Variants in OPA3 observed in about 807,000 individuals in gnomAD.
OPA3 encodes outer mitochondrial membrane lipid metabolism regulator OPA3, also known as optic atrophy 3 protein.
A neutral mutation model predicts 4.0 loss-of-function variants in OPA3; 6 were observed. That is an observed-to-expected ratio of 1.51 (90% CI 0.83 to 2.99). The LOEUF (loss-of-function observed/expected upper bound fraction) is 2.99. Ranked by LOEUF, OPA3 falls within the 30% of genes most tolerant of loss-of-function variation. The pLI is 0.00. For missense variants in OPA3, 235 were observed against 256.2 expected (o/e 0.92, Z 0.56); for synonymous variants, 105 against 117.1 (o/e 0.90, Z 0.67).
intron 1 of OPA3, among the ~76,000 whole-genome samples, chr19:45,561,205 T>C (rs1969497066): frequency 6.6e-6 from 1 of 152,072 alleles, no homozygotes; most frequent in African/African-American, 2.4e-5. Context: ...TGGTGGCGCA[T>C]GCCTGTAATC....
chr19:45,580,886 G>T (rs2122520034), intron 1 of OPA3, among the ~76,000 whole-genome samples: 1 of 152,252 alleles, frequency 6.6e-6, no homozygotes. Context: ...AAAGTGCTGG[G>T]ATTACAGGCA....
chr19:45,577,466 T>A (rs1181107059), intron 1 of OPA3, among the ~76,000 whole-genome samples: 1 of 152,178 alleles, frequency 6.6e-6, no homozygotes, highest in East Asian at 1.9e-4. Flanking sequence ...AAGGTGTAAA[T>A]GTAAGAAGCC....
chr19:45,541,194 T>C (rs559897875), intron 1 of OPA3, among the ~76,000 whole-genome samples: 1 of 152,318 alleles, frequency 6.6e-6, no homozygotes, highest in Admixed American at 6.5e-5. Flanking sequence ...ATGGGGCTTT[T>C]AGCCACATGC....
intron 1 of OPA3, among the ~76,000 whole-genome samples, chr19:45,580,210 A>T (rs28594908): frequency 0.032 from 4,833 of 149,482 alleles, 259 homozygotes; most frequent in African/African-American, 0.11. Flanking sequence ...TTGGTCAGGC[A>T]GGTCTTGAAA....
chr19:45,531,864 G>A (rs556719626), intron 1 of OPA3, among the ~76,000 whole-genome samples: 12 of 152,232 alleles, frequency 7.9e-5, no homozygotes, highest in African/African-American at 1.7e-4. Context: ...TCCAAATCCC[G>A]TTTCTCTCTT....
chr19:45,534,909 G>A (rs918088449), intron 1 of OPA3, among the ~76,000 whole-genome samples: 4 of 152,160 alleles, frequency 2.6e-5, no homozygotes, highest in African/African-American at 7.2e-5. Flanking sequence ...GGGATTACAG[G>A]TGTGAGTCAC....
At chr19:45,529,279 T>C in exon 2 of OPA3, 1 of 1,614,030 alleles carries the variant, frequency 6.2e-7, no homozygotes, top group Non-Finnish European at 8.5e-7. Context: ...GCGGCGCTGC[T>C]GCAACTGGTG....
rs546421510 is a variant in OPA3 at position 45,552,676 on chromosome 19, C to A, written c.*838G>T. 6.6e-6 allele frequency: 1 copy of A among 152,218 alleles called. No homozygotes were observed. The highest frequency in any genetic ancestry group is 6.6e-5 in the Admixed American group (1 of 15,238). 9.4% of individuals were successfully genotyped at this position (152,218 alleles called of 1,614,324 possible). A position where few individuals can be genotyped will look rare whatever the true frequency, so the allele number is the denominator to read the frequency against. ...GATTACAGGCACCCACCACCACGCC[C>A]GGTTAACTTTTGGTTTTAAGACGGT... On this transcript the variant is annotated 3_prime_UTR_variant, in exon 2 of 2. Transcript: ENST00000263275.
chr19:45,584,534 G>C (rs1462018973), intron 1 of OPA3, 89 bp downstream of exon 1: 1 of 1,593,100 alleles, frequency 6.3e-7, no homozygotes. Context: ...GGCTGTGATT[G>C]GTCGTAGACA....
chr19:45,533,075 G>C (rs1183994689), intron 1 of OPA3, among the ~76,000 whole-genome samples: 3 of 149,418 alleles, frequency 2.0e-5, no homozygotes, highest in Non-Finnish European at 4.4e-5. Flanking sequence ...ATTTTTAGTA[G>C]AGATGGGGTT....
chr19:45,533,362 T>C (rs1044797241), intron 1 of OPA3, among the ~76,000 whole-genome samples: 1 of 151,646 alleles, frequency 6.6e-6, no homozygotes, highest in African/African-American at 2.4e-5. Flanking sequence ...GCCCGGCTAA[T>C]ATTTTGTATT....
At chr19:45,536,304 G>A (rs1278196476) in intron 1 of OPA3, among the ~76,000 whole-genome samples, 3 of 151,664 alleles carry the variant, frequency 2.0e-5, no homozygotes, top group African/African-American at 7.3e-5. Flanking sequence ...AGCACTCTGG[G>A]AGGCTGAGGC....
At chr19:45,579,957 A>C (rs895984639) in intron 1 of OPA3, among the ~76,000 whole-genome samples, 2 of 148,694 alleles carry the variant, frequency 1.3e-5, no homozygotes, top group East Asian at 2.0e-4. Context: ...ATTCAAACCT[A>C]TGTCAGTCTG....
intron 1 of OPA3, among the ~76,000 whole-genome samples, chr19:45,562,966 G>A (rs1969527410): frequency 6.6e-6 from 1 of 152,106 alleles, no homozygotes; most frequent in Non-Finnish European, 1.5e-5. Flanking sequence ...GTAGAAAAAT[G>A]AAAACAGAAA....
rs1176365494 is a variant in OPA3, at chr19:45,550,570, C to T, written c.*2944G>A. On this transcript the variant is annotated 3_prime_UTR_variant, in exon 2 of 2. Coordinates refer to ENST00000263275, the MANE Select transcript of OPA3 (RefSeq NM_025136.4). Reference sequence around the variant, plus strand: ...CTCTCACTCTGCCCCTACTACTTCACCACCCTGGGCAGTCAGCCCCTCACT... The same window carrying T: ...CTCTCACTCTGCCCCTACTACTTCATCACCCTGGGCAGTCAGCCCCTCACT... The T allele has an allele frequency of 4.1e-6, 4 of 985,958 alleles. No individual in the cohort carries two copies. Among genetic ancestry groups the T allele is most frequent in the South Asian group, 4.7e-5 (1 of 21,308 alleles). The allele number at this position is 985,958 out of a possible 1,614,324, so 61.1% of individuals were successfully genotyped here.
At chr19:45,563,853 C>CTT (rs772674145) in intron 1 of OPA3, among the ~76,000 whole-genome samples, 2 of 141,348 alleles carry the variant, frequency 1.4e-5, no homozygotes, top group African/African-American at 2.6e-5. Context: ...CGCGCCCGGC[C>CTT]TTTTTTTTTT....
rs1969371557 is a variant in OPA3, at chr19:45,553,595, GC to G, written c.458del (p.Arg153ProfsTer35). Reference protein sequence around the residue: ...APPQGALEELRTELQEVRAQL... With the variant: ...APPQGALEELXTELQEVRAQL... ...GGGCGCGCACCTCTTGCAGCTCTGT[GC>G]GCAGTTCCTCCAGGGCGCCCTGTGG... On this transcript the variant is annotated frameshift_variant, in exon 2 of 2. Coordinates refer to ENST00000263275, the MANE Select transcript of OPA3 (RefSeq NM_025136.4). LOFTEE classifies it low-confidence loss of function (END_TRUNC). 6.2e-7 allele frequency: 1 copy of G among 1,611,786 alleles called. No individual in the cohort carries two copies. Among genetic ancestry groups the G allele is most frequent in the Admixed American group, 1.7e-5 (1 of 59,978 alleles).
chr19:45,569,841 T>C (rs1969635356), intron 1 of OPA3, among the ~76,000 whole-genome samples: 1 of 152,134 alleles, frequency 6.6e-6, no homozygotes, highest in African/African-American at 2.4e-5. Context: ...ACAGCAGAGA[T>C]GGAGTCCTCA....
At chr19:45,561,418 A>G (rs1271986313) in intron 1 of OPA3, among the ~76,000 whole-genome samples, 2 of 152,212 alleles carry the variant, frequency 1.3e-5, no homozygotes, top group Admixed American at 6.5e-5. Context: ...CTTCCTTGTA[A>G]AATGAAGGGA....
Sources: gnomAD v4.1 joint callset for allele counts (sites outside exome capture counted in the v4.1 genomes callset) on GRCh38, gnomAD v4.1.1 for gene constraint, MANE v1.5 for transcripts, NCBI Gene and HGNC (gene_info 2026-07-23, HGNC 2026-07-21) for gene names.